Variants in CEP78 observed in about 807,000 individuals in gnomAD.
CEP78 encodes the protein centrosomal protein 78.
CEP78 carries 76 observed loss-of-function variants against 81.2 expected under a neutral mutation model. That is an observed-to-expected ratio of 0.94 (90% CI 0.78 to 1.13). The LOEUF is 1.13. Ranked by LOEUF, CEP78 falls within the 50% of genes most tolerant of loss-of-function variation. The pLI, the probability that CEP78 is intolerant of heterozygous loss-of-function variation, is 0.00. For missense variants in CEP78, 918 were observed against 846.8 expected, an observed-to-expected ratio of 1.08 and a Z score of -1.04; for synonymous variants, 293 against 301.4, an observed-to-expected ratio of 0.97 and a Z score of 0.29.
chr9:78,266,844 T>C (rs1238087314), intron 16 of CEP78, 141 bp downstream of exon 16: 6 of 1,452,258 alleles, frequency 4.1e-6, no homozygotes, highest in Non-Finnish European at 4.5e-6. Flanking sequence ...AAGTAGGTCT[T>C]TGAAAAAATA....
rs541147987 is a variant in CEP78, at chr9:78,273,722, G to C, written c.*2871G>C. 6.6e-6 allele frequency: 1 copy of C among 152,262 alleles called. No homozygotes were observed. The highest frequency in any genetic ancestry group is 1.5e-5 in the Non-Finnish European group (1 of 68,064). The allele number at this position is 152,262 out of a possible 1,614,324, so 9.4% of individuals were successfully genotyped here. On this transcript the variant is annotated 3_prime_UTR_variant, in exon 17 of 17. Coordinates refer to ENST00000643273, the MANE Select transcript of CEP78 (RefSeq NM_001330691.3). Reference sequence around the variant, plus strand: ...AGATGGCACCGCTGCACTCCAGCCTGGGCCATAGAGGAGACTCCGTCTCAA... The same window carrying C: ...AGATGGCACCGCTGCACTCCAGCCTCGGCCATAGAGGAGACTCCGTCTCAA...
At chr9:78,255,697 CA>C (rs1300750934) in intron 11 of CEP78, among the ~76,000 whole-genome samples, 1 of 151,908 alleles carries the variant, frequency 6.6e-6, no homozygotes, top group Non-Finnish European at 1.5e-5. Flanking sequence ...AAGATAATTA[CA>C]AAAATGATAG....
intron 8 of CEP78, among the ~76,000 whole-genome samples, chr9:78,250,864 C>T (rs1047930836): frequency 6.6e-6 from 1 of 151,964 alleles, no homozygotes; most frequent in East Asian, 1.9e-4. Flanking sequence ...ATTTATAAGA[C>T]GTGTATAAAT....
In CEP78 at chr9:78,236,563, C is replaced by G; in HGVS notation, c.213C>G (p.Val71=). Residue 71 remains valine, a synonymous_variant, in exon 1 of 17, where the codon GTC becomes GTG. Coordinates refer to ENST00000643273, the MANE Select transcript of CEP78 (RefSeq NM_001330691.3). Reference sequence around the variant, plus strand: ...AGATCAATAAAGACCTGCCCTTGGTCTCCATCAAGAGCTTCTTCCAGCCCT... The same window carrying G: ...AGATCAATAAAGACCTGCCCTTGGTGTCCATCAAGAGCTTCTTCCAGCCCT... The part of the protein sequence containing the change: ...TLKINKDLPL[V]SIKSFFQPWL... 6.3e-7 allele frequency: 1 copy of G among 1,580,174 alleles called. No homozygotes were observed. The highest frequency in any genetic ancestry group is 8.6e-7 in the Non-Finnish European group (1 of 1,163,116).
rs549265489 is a variant in CEP78 at position 78,251,004 on chromosome 9, G to A, written c.1070-904G>A. ...CTAAAGCTGCTAAAGTAGATCTTAC[G>A]TAGTAAAATAGATTGGAAGGATAAA... On this transcript the variant is annotated intron_variant, in intron 8 of 16. Transcript: ENST00000643273. Among the ~76,000 whole-genome samples the A allele has an allele frequency of 1.6e-4, 24 of 152,166 alleles. 2 individuals are homozygous for A. The South Asian group carries it at 3.3e-3, about 21-fold the overall frequency.
chr9:78,266,459 T>G lies in CEP78; in HGVS notation c.1863T>G (p.Gly621=). 6.2e-7 allele frequency: 1 copy of G among 1,600,036 alleles called. No individual in the cohort carries two copies. Among genetic ancestry groups the G allele is most frequent in the Non-Finnish European group, 8.5e-7 (1 of 1,171,642 alleles). ...GTLMKFQKIT[G]DARIPLPLDS... ...CCTTCTAGTTTCAGAAAATTACAGG[T>G]GATGCTAGAATTCCTTTGCCTCTCG... is the stretch of plus-strand genomic sequence containing the variant. The change falls in exon 16 of 17, where the codon GGT becomes GGG. Residue 621 remains glycine, a synonymous_variant. Coordinates refer to ENST00000643273, the MANE Select transcript of CEP78 (RefSeq NM_001330691.3).
intron 16 of CEP78, 150 bp downstream of exon 16, chr9:78,266,853 T>C (rs1827565639): frequency 6.9e-7 from 1 of 1,444,840 alleles, no homozygotes; most frequent in Non-Finnish European, 9.1e-7. Context: ...TTTGAAAAAA[T>C]ACGTTTCTGT....
At chr9:78,236,716 C>T (rs1825960951) in intron 1 of CEP78, 113 bp downstream of exon 1, 1 of 1,368,836 alleles carries the variant, frequency 7.3e-7, no homozygotes, top group Non-Finnish European at 9.7e-7. Flanking sequence ...GCGGCCTGGA[C>T]ACTCACGAGC....
rs77340572 is a variant in CEP78, at chr9:78,248,206, A to G, written c.893-85A>G. 7.4e-4 allele frequency: 541 copies of G among 727,906 alleles called. 3 individuals are homozygous for G. The African/African-American group carries it at 7.5e-3, about 10-fold the overall frequency. The allele number at this position is 727,906 out of a possible 1,614,324, so 45.1% of individuals were successfully genotyped here. A position where few individuals can be genotyped will look rare whatever the true frequency, so the allele number is the denominator to read the frequency against. On this transcript the variant is annotated intron_variant, in intron 6 of 16. Coordinates refer to ENST00000643273, the MANE Select transcript of CEP78 (RefSeq NM_001330691.3). ...ATATTCAATTTCATGGGAAAAAGCA[A>G]TAATTGGTTGGCTTTTGTTTTTAAA...
At position 78,278,679 on chromosome 9, in the gene CEP78, C is replaced by T. The variant is rs542997560; in HGVS notation, c.*7828C>T. 4 of 152,306 alleles carry T rather than the reference C, an allele frequency of 2.6e-5. No homozygotes were observed. Among genetic ancestry groups the T allele is most frequent in the Admixed American group, 6.5e-5 (1 of 15,304 alleles). The allele number at this position is 152,306 out of a possible 1,614,324, so 9.4% of individuals were successfully genotyped here. A position where few individuals can be genotyped will look rare whatever the true frequency, so the allele number is the denominator to read the frequency against. ...GTTTACCCCTGACAAAACTGCTACT[C>T]GTGGGGCAATGCAAGTCTTTCCCAC... On this transcript the variant is annotated 3_prime_UTR_variant, in exon 17 of 17. Transcript: ENST00000643273.
intron 13 of CEP78, among the ~76,000 whole-genome samples, chr9:78,265,114 A>G (rs978159731): frequency 1.1e-4 from 16 of 152,190 alleles, no homozygotes; most frequent in African/African-American, 3.9e-4. Context: ...AAGTAAGGAA[A>G]TGAAGTCAAG....
At chr9:78,245,118 A>G (rs1339667323) in intron 5 of CEP78, among the ~76,000 whole-genome samples, 1 of 151,994 alleles carries the variant, frequency 6.6e-6, no homozygotes, top group South Asian at 2.1e-4. Context: ...TCAGATCCAT[A>G]TATCTGACTT....
intron 16 of CEP78, among the ~76,000 whole-genome samples, chr9:78,268,577 T>C: frequency 6.6e-6 from 1 of 152,196 alleles, no homozygotes. Context: ...TTGTCTTTGA[T>C]TTTTAAATGG....
intron 8 of CEP78, chr9:78,249,096 C>T (rs1380504976): frequency 4.6e-6 from 1 of 219,162 alleles, no homozygotes; most frequent in South Asian, 1.3e-4. Context: ...AAAAAATTAC[C>T]CTTATTTGTT....
At chr9:78,270,169 A>G (rs190514748) in intron 16 of CEP78, among the ~76,000 whole-genome samples, 76 of 152,340 alleles carry the variant, frequency 5.0e-4, no homozygotes, top group African/African-American at 1.8e-3. Context: ...GGGAAGAGTT[A>G]GAAGTTAAAT....
chr9:78,271,947 C>A lies in CEP78; in HGVS notation c.*1096C>A, dbSNP rs1231433758. 4 of 151,946 alleles carry A rather than the reference C, an allele frequency of 2.6e-5. No homozygotes were observed. Among genetic ancestry groups the A allele is most frequent in the African/African-American group, 9.7e-5 (4 of 41,278 alleles). The allele number at this position is 151,946 out of a possible 1,614,324, so 9.4% of individuals were successfully genotyped here. On this transcript the variant is annotated 3_prime_UTR_variant, in exon 17 of 17. Transcript: ENST00000643273. ...TTGAGACGGAGTCTCGCTCTATTGC[C>A]CAGGCTGGAGTGCAGTGGTACAATC...
rs1826147028 is a variant in CEP78, at chr9:78,240,033, G to A, written c.264G>A (p.Met88Ile). 6.4e-7 allele frequency: 1 copy of A among 1,573,688 alleles called. No homozygotes were observed. Among genetic ancestry groups the A allele is most frequent in the Non-Finnish European group, 8.6e-7 (1 of 1,168,268 alleles). The change falls in exon 2 of 17, where the codon ATG becomes ATA. Residue 88 changes from methionine (M) to isoleucine (I), a missense_variant. Physicochemically the swap from Met to Ile is conservative, Grantham distance 10. Coordinates refer to ENST00000643273, the MANE Select transcript of CEP78 (RefSeq NM_001330691.3). ...QPWLGDTGSDMNKFCRSRVPA... is the reference protein window; with the variant it reads ...QPWLGDTGSDINKFCRSRVPA... Reference sequence around the variant, plus strand: ...TTATCTTTGTTTTAGGTTCTGACATGAATAAATTTTGCAGAAGTCGTGTTC... The same window carrying A: ...TTATCTTTGTTTTAGGTTCTGACATAAATAAATTTTGCAGAAGTCGTGTTC...
At position 78,272,115 on chromosome 9, in the gene CEP78, A is replaced by G. The variant is rs1325728726; in HGVS notation, c.*1264A>G. 1 of 151,956 alleles carries G rather than the reference A, an allele frequency of 6.6e-6. No individual in the cohort carries two copies. The highest frequency in any genetic ancestry group is 1.9e-4 in the East Asian group (1 of 5,166). The allele number at this position is 151,956 out of a possible 1,614,324, so 9.4% of individuals were successfully genotyped here. A position where few individuals can be genotyped will look rare whatever the true frequency, so the allele number is the denominator to read the frequency against. On this transcript the variant is annotated 3_prime_UTR_variant, in exon 17 of 17. Coordinates refer to ENST00000643273, the MANE Select transcript of CEP78 (RefSeq NM_001330691.3). ...GTATTTTTAGTAAAGACGGGGTTTC[A>G]CCATGTTGGCCAGGCTGGTCTCGAA...
intron 1 of CEP78, among the ~76,000 whole-genome samples, chr9:78,237,522 A>G (rs939673782): frequency 7.9e-5 from 12 of 152,128 alleles, no homozygotes; most frequent in Admixed American, 5.2e-4. Flanking sequence ...AGTTTGTGCA[A>G]AAGTTTTGGA....
Sources: gnomAD v4.1 joint callset for allele counts (sites outside exome capture counted in the v4.1 genomes callset) on GRCh38, gnomAD v4.1.1 for gene constraint, MANE v1.5 for transcripts, NCBI Gene and HGNC (gene_info 2026-07-23, HGNC 2026-07-21) for gene names.